MICU2: variants seen among roughly 807,000 people sequenced by gnomAD.
MICU2 encodes mitochondrial calcium uptake 2.
In MICU2, 64 loss-of-function variants were observed where a neutral mutation model predicts 60.4. That is an observed-to-expected ratio of 1.06 (90% CI 0.87 to 1.31). MICU2 has a LOEUF of 1.31. MICU2 is among the 50% of genes most tolerant of loss of function. The probability of loss-of-function intolerance (pLI) is 0.00; values close to 1 mark genes in which losing one functional copy is unlikely to be tolerated. For synonymous variants in MICU2, 201 were observed against 175.0 expected (o/e 1.15, Z -1.17); for missense variants, 569 against 531.0 (o/e 1.07, Z -0.70).
In MICU2 at chr13:21,560,046, T is replaced by C. The variant is rs143252066; in HGVS notation, c.358+6751A>G. On this transcript the variant is annotated intron_variant, in intron 2 of 11. Coordinates refer to ENST00000382374, the MANE Select transcript of MICU2 (RefSeq NM_152726.3). ...CTACTTACTACTTCTGTCCCTTTTTTAAAAAAATTGTCTTTTTCTTATTGA... is the reference window on the plus strand; with the variant it reads ...CTACTTACTACTTCTGTCCCTTTTTCAAAAAAATTGTCTTTTTCTTATTGA... Among the ~76,000 whole-genome samples the C allele has an allele frequency of 3.1e-3, 469 of 152,258 alleles. 2 individuals carry two copies. Among genetic ancestry groups the C allele is most frequent in the African/African-American group, 0.011 (449 of 41,568 alleles).
intron 4 of MICU2, chr13:21,530,883 C>G (rs1886979414): frequency 1.3e-6 from 1 of 756,416 alleles, no homozygotes; most frequent in East Asian, 2.5e-5. Context: ...TCCTGTACAG[C>G]GACAGAGCAG....
chr13:21,603,839 G>C (rs76346127), intron 1 of MICU2, 100 bp downstream of exon 1: 4 of 1,331,164 alleles, frequency 3.0e-6, no homozygotes, highest in Admixed American at 4.8e-5. Context: ...CTCCACCCAC[G>C]GCTCCGGGAG....
chr13:21,530,356 G>A lies in MICU2; in HGVS notation c.467-7706C>T, dbSNP rs188274309. ...CATCATGCTCATTCCTCTATTTCTC[G>A]TATGAATATCCTCATAGACTTTGCC... On this transcript the variant is annotated intron_variant, in intron 4 of 11. Coordinates refer to ENST00000382374, the MANE Select transcript of MICU2 (RefSeq NM_152726.3). 2.1e-3 allele frequency among the ~76,000 whole-genome samples: 322 copies of A among 151,100 alleles called. 1 individual carries two copies. Among genetic ancestry groups the A allele is most frequent in the African/African-American group, 7.6e-3 (311 of 41,092 alleles).
chr13:21,535,747 A>C (rs1394553474), intron 4 of MICU2, among the ~76,000 whole-genome samples: 1 of 152,202 alleles, frequency 6.6e-6, no homozygotes, highest in African/African-American at 2.4e-5. Flanking sequence ...CAGCTAATAG[A>C]GCTAGGAATC....
At position 21,503,038 on chromosome 13, in the gene MICU2, C is replaced by A; in HGVS notation, c.821G>T (p.Gly274Val). The change falls in exon 9 of 12, where the codon GGT (glycine) becomes GTT (valine). Residue 274 changes from glycine (G) to valine (V), a missense_variant. By Grantham distance (109) the Gly-to-Val change is moderately radical. Transcript: ENST00000382374. ...QEMEFLQFSK[G>V]LSFMRKEDFA... ...GTCTTCTTTTCTCATGAAACTCAAA[C>A]CTTTAGAAAACTGAAGGAATTCCAT... 6.2e-7 allele frequency: 1 copy of A among 1,608,760 alleles called. No individual in the cohort carries two copies. Among genetic ancestry groups the A allele is most frequent in the Non-Finnish European group, 8.5e-7 (1 of 1,178,390 alleles).
chr13:21,570,295 A>G (rs1282981569), intron 1 of MICU2, among the ~76,000 whole-genome samples: 3 of 146,044 alleles, frequency 2.1e-5, no homozygotes, highest in Non-Finnish European at 4.7e-5. Flanking sequence ...ATTATACGGT[A>G]GTAGAATTTT....
chr13:21,595,307 GAC>G (rs1183743778), intron 1 of MICU2, among the ~76,000 whole-genome samples: 1 of 152,198 alleles, frequency 6.6e-6, no homozygotes, highest in East Asian at 1.9e-4. Context: ...GCATGGGAGT[GAC>G]ACTGCAAGAC....
chr13:21,520,715 G>C (rs895486228), intron 6 of MICU2, among the ~76,000 whole-genome samples: 2 of 149,978 alleles, frequency 1.3e-5, no homozygotes, highest in Admixed American at 6.6e-5. Flanking sequence ...AAATTTACTT[G>C]TTGGGTGTTC....
chr13:21,557,662 T>G (rs2761911), intron 2 of MICU2, among the ~76,000 whole-genome samples: 52,664 of 152,056 alleles, frequency 0.35, 9,488 homozygotes, highest in South Asian at 0.4. Context: ...GTTGGCCCTG[T>G]TTTTCCTTAT....
At chr13:21,524,529 T>C (rs1886801456) in intron 4 of MICU2, among the ~76,000 whole-genome samples, 1 of 152,224 alleles carries the variant, frequency 6.6e-6, no homozygotes, top group African/African-American at 2.4e-5. Context: ...TTAGACAAGT[T>C]TTCAAGTGTG....
Position 21,500,417 on chromosome 13 carries a change from A to AT in MICU2, c.933+2508dup, listed in dbSNP as rs10608018. Among the ~76,000 whole-genome samples the AT allele has an allele frequency of 2.5e-3, 315 of 124,920 alleles. 10 individuals carry two copies. Among genetic ancestry groups the AT allele is most frequent in the African/African-American group, 9.2e-3 (304 of 32,954 alleles). 82.0% of individuals were successfully genotyped at this position (124,920 alleles called of 152,430 possible). A position where few individuals can be genotyped will look rare whatever the true frequency, so the allele number is the denominator to read the frequency against. On this transcript the variant is annotated intron_variant, in intron 9 of 11. Transcript: ENST00000382374. The stretch of plus-strand genomic sequence containing the variant: ...CGTTTAAAGTTCTTGATACCTACTG[A>AT]TTTTTTTTTTTTTTTTTTTTTTTTT...
At chr13:21,567,032 C>T in intron 1 of MICU2, 88 bp from the exon 2 acceptor site, 1 of 1,140,568 alleles carries the variant, frequency 8.8e-7, no homozygotes, top group Non-Finnish European at 1.2e-6. Flanking sequence ...AACTTTCACG[C>T]TTGGATCTGA....
intron 11 of MICU2, 125 bp from the exon 12 acceptor site, chr13:21,493,478 G>A: frequency 1.6e-6 from 1 of 632,962 alleles, no homozygotes; most frequent in Non-Finnish European, 2.6e-6. Context: ...GGTGAATTAT[G>A]TTGTAAAAGA....
intron 1 of MICU2, among the ~76,000 whole-genome samples, chr13:21,570,700 G>A (rs1009293877): frequency 3.9e-5 from 6 of 152,120 alleles, no homozygotes; most frequent in African/African-American, 9.7e-5. Context: ...ACTGACATAC[G>A]ACATAGAATT....
chr13:21,529,940 T>G (rs1886946796), intron 4 of MICU2, among the ~76,000 whole-genome samples: 1 of 152,158 alleles, frequency 6.6e-6, no homozygotes, highest in Admixed American at 6.5e-5. Flanking sequence ...CAGCGTGGGA[T>G]AAAAGTACAG....
chr13:21,524,195 C>T (rs1240656143), intron 4 of MICU2, among the ~76,000 whole-genome samples: 1 of 151,990 alleles, frequency 6.6e-6, no homozygotes, highest in East Asian at 1.9e-4. Flanking sequence ...CTTTTTTAAT[C>T]ATGGAAAACT....
chr13:21,521,338 G>C lies in MICU2; in HGVS notation c.515-11C>G, dbSNP rs762761722. 1 of 1,595,694 alleles carries C rather than the reference G, an allele frequency of 6.3e-7. No homozygotes were observed. Among genetic ancestry groups the C allele is most frequent in the South Asian group, 1.1e-5 (1 of 87,396 alleles). On this transcript the variant is annotated splice_polypyrimidine_tract_variant and intron_variant, in intron 5 of 11. Coordinates refer to ENST00000382374, the MANE Select transcript of MICU2 (RefSeq NM_152726.3). ...ATCCAGAATGGGGTTCTGCAGTGAA[G>C]TGAAAAATGAATATTTAAATGTTGA...
intron 2 of MICU2, among the ~76,000 whole-genome samples, chr13:21,562,494 T>C (rs1424578877): frequency 6.6e-6 from 1 of 152,226 alleles, no homozygotes; most frequent in Non-Finnish European, 1.5e-5. Context: ...GCTGAGTATT[T>C]TACATAACTT....
intron 4 of MICU2, among the ~76,000 whole-genome samples, chr13:21,528,611 C>T (rs1044580577): frequency 2.0e-5 from 3 of 152,156 alleles, no homozygotes; most frequent in Non-Finnish European, 4.4e-5. Flanking sequence ...TCTGTTTGTT[C>T]AGTCAAAAAC....
Sources: gnomAD v4.1 joint callset for allele counts (sites outside exome capture counted in the v4.1 genomes callset) on GRCh38, gnomAD v4.1.1 for gene constraint, MANE v1.5 for transcripts, NCBI Gene and HGNC (gene_info 2026-07-23, HGNC 2026-07-21) for gene names.